The following TAPT1 variants were observed in gnomAD, a reference collection of about 807,000 sequenced individuals.
The protein encoded by TAPT1 is transmembrane anterior posterior transformation 1.
Under a neutral mutation model 65.6 loss-of-function variants are expected in TAPT1, and 28 were observed. The ratio of observed to expected loss-of-function variants is 0.43; its 90% CI spans 0.32 to 0.59. TAPT1 has a LOEUF of 0.59. Among genes scored for constraint, TAPT1 ranks in the 20% least tolerant of loss-of-function variants. The pLI is 0.09. For missense variants in TAPT1, 563 were observed against 679.9 expected (o/e 0.83, Z 1.91); for synonymous variants, 278 against 245.2 (o/e 1.13, Z -1.25).
At position 16,185,883 on chromosome 4, in the gene TAPT1, T is replaced by C. The variant is rs28418606; in HGVS notation, c.916+652A>G. ...CTGGATTCATGCTAAAACACCACCA[T>C]TTCTTCATGACTTGTGCAAATGTCA... On this transcript the variant is annotated intron_variant, in intron 7 of 13. Coordinates refer to ENST00000405303, the MANE Select transcript of TAPT1 (RefSeq NM_153365.3). Among the ~76,000 whole-genome samples, 1,508 of 152,254 alleles carry C rather than the reference T, an allele frequency of 9.9e-3. 25 individuals are homozygous for C. The highest frequency in any genetic ancestry group is 0.035 in the African/African-American group (1,461 of 41,548).
At chr4:16,165,397 C>T (rs371859097) in intron 13 of TAPT1, among the ~76,000 whole-genome samples, 12 of 151,836 alleles carry the variant, frequency 7.9e-5, no homozygotes, top group East Asian at 1.9e-4. Context: ...GGTGAAACCC[C>T]GTCTCTACTA....
At position 16,191,378 on chromosome 4, in the gene TAPT1, T is replaced by A; in HGVS notation, c.595A>T (p.Ile199Phe). 6.2e-7 allele frequency: 1 copy of A among 1,602,034 alleles called. No individual in the cohort carries two copies. Among genetic ancestry groups the A allele is most frequent in the Non-Finnish European group, 8.5e-7 (1 of 1,174,320 alleles). ...GCCCTTACCTCCAGCATGTTGTAGA[T>A]GATGTAGAGCTTGATGACGGACTGC... Reference protein sequence around the residue: ...RGQSVIKLYIIYNMLEVADRL... With the variant: ...RGQSVIKLYIFYNMLEVADRL... The change falls in exon 4 of 14, where the codon ATC becomes TTC. Residue 199 changes from isoleucine (I) to phenylalanine (F), a missense_variant. Physicochemically the swap from Ile to Phe is conservative, Grantham distance 21. Around this residue, in one of 5 missense-constraint regions of TAPT1, gnomAD observed 217 missense variants for 317.5 expected, o/e 0.68. Transcript: ENST00000405303.
chr4:16,172,558 T>C lies in TAPT1; in HGVS notation c.1236+1646A>G, dbSNP rs780371402. 6.6e-4 allele frequency among the ~76,000 whole-genome samples: 100 copies of C among 152,192 alleles called. 1 individual carries two copies. Among genetic ancestry groups the C allele is most frequent in the Non-Finnish European group, 1.3e-3 (91 of 68,026 alleles). On this transcript the variant is annotated intron_variant, in intron 11 of 13. Coordinates refer to ENST00000405303, the MANE Select transcript of TAPT1 (RefSeq NM_153365.3). ...TTTTCCGAAGCAAAAGAAAGCTATA[T>C]TATGATGTAATAAGCAAGCTATTAA...
chr4:16,226,069 C>A, intron 1 of TAPT1, 190 bp downstream of exon 1: 1 of 1,019,566 alleles, frequency 9.8e-7, no homozygotes, highest in South Asian at 4.6e-5. Flanking sequence ...GCGCGCAACC[C>A]GCCCGAGGAA....
chr4:16,191,340 CG>C lies in TAPT1; in HGVS notation c.612+20del. 6.3e-7 allele frequency: 1 copy of C among 1,584,992 alleles called. No individual in the cohort carries two copies. The highest frequency in any genetic ancestry group is 8.6e-7 in the Non-Finnish European group (1 of 1,165,128). On this transcript the variant is annotated intron_variant, in intron 4 of 13. Transcript: ENST00000405303. The stretch of plus-strand genomic sequence containing the variant: ...GCTGAGTGCCCTGGCCAGGCCTGTG[CG>C]GGGTAAGCAAGGCCCTTACCTCCAG...
intron 2 of TAPT1, among the ~76,000 whole-genome samples, chr4:16,207,932 T>C (rs944861861): frequency 3.9e-5 from 6 of 152,154 alleles, no homozygotes; most frequent in Non-Finnish European, 8.8e-5. Flanking sequence ...AAATAATGAA[T>C]TGCCAAAAAG....
intron 8 of TAPT1, among the ~76,000 whole-genome samples, chr4:16,178,780 A>G (rs987985741): frequency 2.6e-5 from 4 of 152,202 alleles, no homozygotes; most frequent in Admixed American, 1.3e-4. Context: ...TAAGTAGCAA[A>G]ATTTCCACCT....
At chr4:16,174,471 A>C in intron 10 of TAPT1, 199 bp from the exon 11 acceptor site, 1 of 672,392 alleles carries the variant, frequency 1.5e-6, no homozygotes, top group South Asian at 2.1e-5. Flanking sequence ...AAAATGCTGC[A>C]AAGAGCATAT....
intron 12 of TAPT1, among the ~76,000 whole-genome samples, chr4:16,169,549 T>C (rs1747858732): frequency 6.6e-6 from 1 of 152,232 alleles, no homozygotes; most frequent in South Asian, 2.1e-4. Flanking sequence ...TACATACTCA[T>C]TCAAACAAAC....
intron 12 of TAPT1, 198 bp from the exon 13 acceptor site, chr4:16,166,991 CTTTTTTTTTT>C (rs5856341): frequency 4.4e-5 from 7 of 160,674 alleles, no homozygotes; most frequent in East Asian, 1.2e-4. Flanking sequence ...CCTTAGTTCT[CTTTTTTTTTT>C]TTTTTTTTTT....
At chr4:16,186,364 C>T (rs1335606485) in intron 7 of TAPT1, among the ~76,000 whole-genome samples, 171 bp downstream of exon 7, 1 of 152,120 alleles carries the variant, frequency 6.6e-6, no homozygotes, top group African/African-American at 2.4e-5. Context: ...TCTCAAACAT[C>T]TTGTGATTAC....
intron 1 of TAPT1, among the ~76,000 whole-genome samples, chr4:16,220,500 A>G (rs1418305319): frequency 6.6e-6 from 1 of 152,176 alleles, no homozygotes; most frequent in Non-Finnish European, 1.5e-5. Flanking sequence ...TTTTAAAAAT[A>G]GACACTTTGG....
intron 3 of TAPT1, among the ~76,000 whole-genome samples, chr4:16,196,911 C>T (rs562956248): frequency 4.5e-4 from 69 of 152,256 alleles, no homozygotes; most frequent in African/African-American, 1.4e-3. Context: ...ATATTTGTTT[C>T]CCCAGAGAAA....
chr4:16,210,618 A>T (rs1487332606), intron 2 of TAPT1, among the ~76,000 whole-genome samples: 1 of 152,234 alleles, frequency 6.6e-6, no homozygotes, highest in East Asian at 1.9e-4. Context: ...ACTCACAGCC[A>T]ATCAACTGTG....
intron 6 of TAPT1, 53 bp downstream of exon 6, chr4:16,186,728 G>T: frequency 7.0e-7 from 1 of 1,431,998 alleles, no homozygotes; most frequent in Non-Finnish European, 9.8e-7. Flanking sequence ...CCAGAGTATT[G>T]CAGCTGAAAT....
chr4:16,166,912 AT>A, intron 12 of TAPT1, 119 bp from the exon 13 acceptor site: 1 of 912,800 alleles, frequency 1.1e-6, no homozygotes, highest in Non-Finnish European at 1.6e-6. Flanking sequence ...CAGATTAGGG[AT>A]TTAGAGGAAC....
intron 2 of TAPT1, among the ~76,000 whole-genome samples, chr4:16,208,587 A>C (rs1223238535): frequency 6.6e-6 from 1 of 152,204 alleles, no homozygotes; most frequent in Non-Finnish European, 1.5e-5. Flanking sequence ...AGAAGACAAC[A>C]AGCAAGAGGA....
At chr4:16,174,168 C>T (rs749730387) in intron 11 of TAPT1, 36 bp downstream of exon 11, 3 of 1,460,852 alleles carry the variant, frequency 2.1e-6, no homozygotes, top group Admixed American at 3.9e-5. Context: ...ATGATGGCTA[C>T]TTTGTTACAA....
chr4:16,216,888 C>G lies in TAPT1; in HGVS notation c.200-2990G>C, dbSNP rs577373432. ...ACCCTTCAGTGGTTCTTCATTACCTCCAGAATAAAGTCCTACCTTCTCAGT... is the reference window on the plus strand; with the variant it reads ...ACCCTTCAGTGGTTCTTCATTACCTGCAGAATAAAGTCCTACCTTCTCAGT... On this transcript the variant is annotated intron_variant, in intron 1 of 13. Transcript: ENST00000405303. Among the ~76,000 whole-genome samples, 58 of 152,322 alleles carry G rather than the reference C, an allele frequency of 3.8e-4. 1 individual carries two copies. Among genetic ancestry groups the G allele is most frequent in the African/African-American group, 1.3e-3 (53 of 41,572 alleles).
Sources: gnomAD v4.1 joint callset for allele counts (sites outside exome capture counted in the v4.1 genomes callset) on GRCh38, gnomAD v4.1.1 for gene constraint, gnomAD v4.1.1 regional missense constraint, MANE v1.5 for transcripts, NCBI Gene and HGNC (gene_info 2026-07-23, HGNC 2026-07-21) for gene names.